The following KIAA0930 variants were observed in gnomAD, a reference collection of about 807,000 sequenced individuals.
KIAA0930 encodes uncharacterized protein KIAA0930.
KIAA0930 carries 24 observed loss-of-function variants against 43.9 expected under a neutral mutation model. The observed-to-expected ratio is 0.55, with a 90% CI of 0.40 to 0.77. The LOEUF (loss-of-function observed/expected upper bound fraction) is 0.77, where lower values mean the gene tolerates loss of function less well. Among genes scored for constraint, KIAA0930 ranks in the 30% least tolerant of loss-of-function variants. The pLI is 0.00. For synonymous variants in KIAA0930, 259 were observed against 216.4 expected (o/e 1.20, Z -1.73); for missense variants, 461 against 574.2 (o/e 0.80, Z 2.02).
chr22:45,227,648 T>C (rs2083810602), intron 1 of KIAA0930, among the ~76,000 whole-genome samples: 1 of 151,756 alleles, frequency 6.6e-6, no homozygotes, highest in Admixed American at 6.5e-5. Context: ...ACGCTGCCAA[T>C]ACAATACTGG....
chr22:45,224,203 ACTGT>A, intron 1 of KIAA0930, among the ~76,000 whole-genome samples: 1 of 152,356 alleles, frequency 6.6e-6, no homozygotes, highest in South Asian at 2.1e-4. Flanking sequence ...AATGAAGGAA[ACTGT>A]CTATTTTAAA....
chr22:45,208,286 C>T (rs1279903754), intron 2 of KIAA0930, among the ~76,000 whole-genome samples: 1 of 128,390 alleles, frequency 7.8e-6, no homozygotes, highest in Non-Finnish European at 1.8e-5. Context: ...TGCCCGATTC[C>T]AATGTATGAG....
At chr22:45,210,671 C>A (rs552631741) in intron 2 of KIAA0930, among the ~76,000 whole-genome samples, 1 of 151,166 alleles carries the variant, frequency 6.6e-6, no homozygotes, top group African/African-American at 2.4e-5. Flanking sequence ...TTCTGAGGAG[C>A]CCTGAGCCAG....
intron 7 of KIAA0930, among the ~76,000 whole-genome samples, chr22:45,202,302 G>A (rs886399208): frequency 2.0e-5 from 3 of 152,242 alleles, no homozygotes; most frequent in Admixed American, 1.3e-4. Context: ...AAAGGCTTCT[G>A]GGAACAAAGC....
intron 7 of KIAA0930, 188 bp from the exon 8 acceptor site, chr22:45,200,223 C>T: frequency 2.0e-6 from 1 of 506,020 alleles, no homozygotes; most frequent in Non-Finnish European, 3.3e-6. Flanking sequence ...TGCGTTCCAG[C>T]CCAGGGGCCA....
At chr22:45,223,520 T>C (rs1205004549) in intron 1 of KIAA0930, among the ~76,000 whole-genome samples, 1 of 152,092 alleles carries the variant, frequency 6.6e-6, no homozygotes, top group Non-Finnish European at 1.5e-5. Flanking sequence ...TGAAAGTTAG[T>C]CCATCCACGT....
chr22:45,239,178 G>T (rs2083903437), intron 1 of KIAA0930, among the ~76,000 whole-genome samples: 1 of 152,194 alleles, frequency 6.6e-6, no homozygotes, highest in Non-Finnish European at 1.5e-5. Flanking sequence ...GGGAGGGACT[G>T]CTTGAAGCTG....
At chr22:45,201,609 C>T (rs970611491) in intron 7 of KIAA0930, among the ~76,000 whole-genome samples, 1 of 152,170 alleles carries the variant, frequency 6.6e-6, no homozygotes, top group Non-Finnish European at 1.5e-5. Flanking sequence ...CCCTTTATCT[C>T]GGAAACAAAC....
In KIAA0930 at chr22:45,220,855, A is replaced by G. The variant is rs535805265; in HGVS notation, c.65-8748T>C. On this transcript the variant is annotated intron_variant, in intron 1 of 9. Transcript: ENST00000336156. Reference sequence around the variant, plus strand: ...CTAGGCCTTCCTAAGTGCTGGGATTACACGTGTGAGCCACTGTGCCCGGCC... The same window carrying G: ...CTAGGCCTTCCTAAGTGCTGGGATTGCACGTGTGAGCCACTGTGCCCGGCC... 3.9e-5 allele frequency among the ~76,000 whole-genome samples: 6 copies of G among 152,280 alleles called. No homozygotes were observed. In the South Asian group the frequency reaches 1.2e-3, roughly 32 times the overall value.
chr22:45,218,323 A>G (rs949614714), intron 1 of KIAA0930, among the ~76,000 whole-genome samples: 3 of 130,090 alleles, frequency 2.3e-5, no homozygotes, highest in Non-Finnish European at 4.9e-5. Flanking sequence ...ACACCCAGCT[A>G]ATTTTTTTGA....
chr22:45,212,698 C>G (rs2083705904), intron 1 of KIAA0930, among the ~76,000 whole-genome samples: 1 of 152,266 alleles, frequency 6.6e-6, no homozygotes, highest in African/African-American at 2.4e-5. Context: ...GGGACTTCTC[C>G]TTCTATTACA....
chr22:45,226,372 CT>C (rs1227696545), intron 1 of KIAA0930: 2 of 470,396 alleles, frequency 4.3e-6, no homozygotes, highest in Non-Finnish European at 8.8e-6. Flanking sequence ...GCCCCAGGCG[CT>C]GCATGAGGTC....
At chr22:45,212,173 GC>G in intron 1 of KIAA0930, 66 bp from the exon 2 acceptor site, 1 of 1,613,482 alleles carries the variant, frequency 6.2e-7, no homozygotes, top group Non-Finnish European at 8.5e-7. Context: ...CATGGCCTTG[GC>G]CAAGCTGCGC....
At chr22:45,236,669 C>A (rs1212256023) in intron 1 of KIAA0930, among the ~76,000 whole-genome samples, 1 of 152,172 alleles carries the variant, frequency 6.6e-6, no homozygotes, top group African/African-American at 2.4e-5. Flanking sequence ...CAATTAAGAG[C>A]TTGGGCTCAG....
chr22:45,197,017 G>A lies in KIAA0930; in HGVS notation c.*159C>T, dbSNP rs2083542411. The stretch of plus-strand genomic sequence containing the variant: ...GGCACTTCAGTTTGGGCTGGTGTTC[G>A]TGGAGTCGGCCCCGGCCCCGGGAGT... On this transcript the variant is annotated 3_prime_UTR_variant, in exon 10 of 10. Coordinates refer to ENST00000336156, the MANE Select transcript of KIAA0930 (RefSeq NM_001009880.2). 4 of 596,188 alleles carry A rather than the reference G, an allele frequency of 6.7e-6. No individual in the cohort carries two copies. The highest frequency in any genetic ancestry group is 3.4e-5 in the Admixed American group (1 of 29,014). 36.9% of individuals were successfully genotyped at this position (596,188 alleles called of 1,614,324 possible).
intron 1 of KIAA0930, among the ~76,000 whole-genome samples, chr22:45,224,176 T>C (rs1445818319): frequency 6.6e-6 from 1 of 152,138 alleles, no homozygotes; most frequent in Non-Finnish European, 1.5e-5. Context: ...GGACACAAAA[T>C]TATACCTGAA....
chr22:45,208,051 C>T (rs976363575), intron 2 of KIAA0930, among the ~76,000 whole-genome samples: 1 of 152,128 alleles, frequency 6.6e-6, no homozygotes. Flanking sequence ...CACAGGCAGG[C>T]GAAAGAGCAG....
intron 1 of KIAA0930, among the ~76,000 whole-genome samples, chr22:45,217,180 G>A (rs1406954121): frequency 2.6e-5 from 4 of 151,836 alleles, no homozygotes; most frequent in Admixed American, 1.3e-4. Flanking sequence ...AGCCAACATC[G>A]CAAAACCCCA....
At chr22:45,199,690 G>C (rs2083569243) in intron 8 of KIAA0930, among the ~76,000 whole-genome samples, 183 bp downstream of exon 8, 1 of 152,216 alleles carries the variant, frequency 6.6e-6, no homozygotes, top group African/African-American at 2.4e-5. Flanking sequence ...CCCAGAGGCA[G>C]CCATTTCTGC....
Sources: allele counts gnomAD v4.1 joint callset (sites outside exome capture counted in the v4.1 genomes callset), GRCh38; gene constraint gnomAD v4.1.1; transcripts MANE v1.5; gene names NCBI Gene and HGNC (gene_info 2026-07-23, HGNC 2026-07-21).